The following TFDP2 variants were observed in gnomAD, a reference collection of about 807,000 sequenced individuals.
TFDP2 encodes the protein transcription factor Dp-2 (E2F dimerization partner 2).
In TFDP2, 17 loss-of-function variants were observed where a neutral mutation model predicts 59.3. The ratio of observed to expected loss-of-function variants is 0.29; its 90% CI spans 0.20 to 0.43. The LOEUF (loss-of-function observed/expected upper bound fraction) is 0.43, where lower values mean the gene tolerates loss of function less well. TFDP2 is among the 20% of genes least tolerant of loss of function. The pLI, the probability that TFDP2 is intolerant of heterozygous loss-of-function variation, is 1.00. For missense variants in TFDP2, 391 were observed against 528.8 expected (o/e 0.74, Z 2.56); for synonymous variants, 180 against 194.7 (o/e 0.92, Z 0.63).
intron 1 of TFDP2, among the ~76,000 whole-genome samples, chr3:142,119,236 G>C (rs1176947288): frequency 6.6e-6 from 1 of 151,666 alleles, no homozygotes; most frequent in Non-Finnish European, 1.5e-5. Context: ...GATCCTACCA[G>C]ATATTTGAGA....
chr3:141,970,880 G>A, intron 8 of TFDP2, among the ~76,000 whole-genome samples: 1 of 151,764 alleles, frequency 6.6e-6, no homozygotes, highest in East Asian at 2.0e-4. Context: ...TGGCCAACAT[G>A]GCGAAACCCT....
chr3:142,120,364 A>G (rs2062007868), intron 1 of TFDP2, among the ~76,000 whole-genome samples: 1 of 152,194 alleles, frequency 6.6e-6, no homozygotes, highest in African/African-American at 2.4e-5. Flanking sequence ...TACGTCTCAA[A>G]AAAAAGAAAA....
intron 1 of TFDP2, among the ~76,000 whole-genome samples, chr3:142,128,583 G>C (rs190292757): frequency 1.4e-4 from 21 of 151,774 alleles, no homozygotes; most frequent in African/African-American, 4.6e-4. Context: ...AACAACTGAG[G>C]AAAATCTCTA....
intron 3 of TFDP2, among the ~76,000 whole-genome samples, chr3:142,063,695 T>G (rs2059988393): frequency 6.6e-6 from 1 of 152,224 alleles, no homozygotes; most frequent in African/African-American, 2.4e-5. Flanking sequence ...ATAACTTTAT[T>G]TCTTTCTTTA....
chr3:142,138,859 G>A (rs1442517166), intron 1 of TFDP2, among the ~76,000 whole-genome samples: 1 of 152,158 alleles, frequency 6.6e-6, no homozygotes, highest in African/African-American at 2.4e-5. Flanking sequence ...ATTCGGGGTG[G>A]AGAGTTCTGT....
At position 142,036,173 on chromosome 3, in the gene TFDP2, C is replaced by T. The variant is rs577184165; in HGVS notation, c.83-30629G>A. 4.6e-5 allele frequency among the ~76,000 whole-genome samples: 7 copies of T among 152,208 alleles called. No homozygotes were observed. The South Asian group carries it at 1.5e-3, about 32-fold the overall frequency. On this transcript the variant is annotated intron_variant, in intron 3 of 12. Coordinates refer to ENST00000489671, the MANE Select transcript of TFDP2 (RefSeq NM_001178139.2). Reference sequence around the variant, plus strand: ...CTCTATATGAGAACTTTTGATGGTTCCTCATTAAATAGATAATACAAGGTC... The same window carrying T: ...CTCTATATGAGAACTTTTGATGGTTTCTCATTAAATAGATAATACAAGGTC...
intron 11 of TFDP2, among the ~76,000 whole-genome samples, chr3:141,958,344 A>G (rs1936949452): frequency 6.6e-6 from 1 of 152,242 alleles, no homozygotes. Context: ...AATCACATGG[A>G]TGACTCTAAA....
At chr3:142,097,204 C>A (rs945067256) in intron 2 of TFDP2, among the ~76,000 whole-genome samples, 2 of 152,126 alleles carry the variant, frequency 1.3e-5, no homozygotes, top group East Asian at 3.8e-4. Flanking sequence ...TCTGTGCAAT[C>A]TTAGCAATAT....
intron 9 of TFDP2, among the ~76,000 whole-genome samples, chr3:141,969,286 A>ATC (rs1491098733): frequency 7.4e-6 from 1 of 134,916 alleles, no homozygotes; most frequent in East Asian, 2.0e-4. Flanking sequence ...ATATATATAT[A>ATC]TAACCGGCCT....
rs746269271 is a variant in TFDP2, at chr3:141,952,636, G to C, written c.1218C>G (p.Ala406=). 6.3e-7 allele frequency: 1 copy of C among 1,597,678 alleles called. No homozygotes were observed. Residue 406 remains alanine (A), a synonymous_variant, in exon 13 of 13, where the codon GCC becomes GCG. Transcript: ENST00000489671. ...CACTGCTGGACTGGTGACTGTTTGG[G>C]GCCAGGAACTGCCCAGTTGCTAAGG... is the stretch of plus-strand genomic sequence containing the variant. ...EVALATGQFL[A]PNSHQSSSAA... is the part of the protein sequence containing the mutation.
intron 3 of TFDP2, among the ~76,000 whole-genome samples, chr3:142,038,123 G>A (rs1258644966): frequency 2.6e-5 from 4 of 152,124 alleles, no homozygotes; most frequent in African/African-American, 7.2e-5. Flanking sequence ...AGTGGCACAC[G>A]CCTGTAATCC....
chr3:142,063,068 T>C (rs1461847395), intron 3 of TFDP2, among the ~76,000 whole-genome samples: 4 of 152,194 alleles, frequency 2.6e-5, no homozygotes, highest in African/African-American at 4.8e-5. Flanking sequence ...TGTACACTAA[T>C]ATATGTGTGT....
chr3:142,086,804 C>T (rs979248869), intron 3 of TFDP2, among the ~76,000 whole-genome samples: 2 of 152,094 alleles, frequency 1.3e-5, no homozygotes, highest in African/African-American at 4.8e-5. Context: ...GAGCTGAAAG[C>T]TTCAAGCTTA....
At chr3:142,148,255 C>A (rs1416074165) in intron 1 of TFDP2, among the ~76,000 whole-genome samples, 2 of 151,974 alleles carry the variant, frequency 1.3e-5, no homozygotes, top group Non-Finnish European at 2.9e-5. Flanking sequence ...GGAGTCTGTG[C>A]CCTCTGAGAT....
chr3:141,988,693 G>A (rs560728780), intron 6 of TFDP2, among the ~76,000 whole-genome samples: 4 of 109,730 alleles, frequency 3.6e-5, no homozygotes, highest in Non-Finnish European at 7.0e-5. Context: ...TTTTTGAGAT[G>A]GAGTCTCACT....
In TFDP2 at chr3:141,949,106, C is replaced by T. The variant is rs1330652362; in HGVS notation, c.*3407G>A. 1.4e-5 allele frequency: 2 copies of T among 144,480 alleles called. No homozygotes were observed. The highest frequency in any genetic ancestry group is 3.1e-5 in the Non-Finnish European group (2 of 65,480). 8.9% of individuals were successfully genotyped at this position (144,480 alleles called of 1,614,324 possible). A position where few individuals can be genotyped will look rare whatever the true frequency, so the allele number is the denominator to read the frequency against. ...AAAAAAAAAAAAAAAAAAAAATTTC[C>T]ATTTGAATTCTGATAGGAGCTACCT... is the stretch of plus-strand genomic sequence containing the variant. On this transcript the variant is annotated 3_prime_UTR_variant, in exon 13 of 13. Transcript: ENST00000489671.
chr3:141,988,648 T>C (rs1486236091), intron 6 of TFDP2, among the ~76,000 whole-genome samples: 1 of 151,208 alleles, frequency 6.6e-6, no homozygotes, highest in East Asian at 2.0e-4. Context: ...TGAAGAACTG[T>C]TTTTAGCAAT....
At chr3:142,139,519 T>C (rs1274599719) in intron 1 of TFDP2, among the ~76,000 whole-genome samples, 1 of 152,202 alleles carries the variant, frequency 6.6e-6, no homozygotes, top group Non-Finnish European at 1.5e-5. Flanking sequence ...TGTTCCTTTC[T>C]ACGTTTAGCA....
intron 3 of TFDP2, among the ~76,000 whole-genome samples, chr3:142,038,371 G>A (rs1225124685): frequency 1.2e-4 from 14 of 117,852 alleles, no homozygotes; most frequent in South Asian, 2.7e-4. Context: ...GCGACAGAGC[G>A]AGACTCCATC....
Sources: gnomAD v4.1 joint callset for allele counts (sites outside exome capture counted in the v4.1 genomes callset) on GRCh38, gnomAD v4.1.1 for gene constraint, MANE v1.5 for transcripts, NCBI Gene and HGNC (gene_info 2026-07-23, HGNC 2026-07-21) for gene names.